Variants in UBTD2 observed in about 807,000 individuals in gnomAD.
The protein encoded by UBTD2 is ubiquitin domain containing 2.
UBTD2 carries 9 observed loss-of-function variants against 19.8 expected under a neutral mutation model. That is an observed-to-expected ratio of 0.46 (90% CI 0.27 to 0.79). The LOEUF (loss-of-function observed/expected upper bound fraction) is 0.79, where lower values mean the gene tolerates loss of function less well. Ranked by LOEUF, UBTD2 falls within the 30% of genes least tolerant of loss-of-function variation. The probability of loss-of-function intolerance (pLI) is 0.14; values close to 1 mark genes in which losing one functional copy is unlikely to be tolerated. For synonymous variants in UBTD2, 98 were observed against 103.9 expected (o/e 0.94, Z 0.35); for missense variants, 250 against 300.4 (o/e 0.83, Z 1.24).
intron 1 of UBTD2, among the ~76,000 whole-genome samples, chr5:172,281,901 C>T (rs1346848513): frequency 6.6e-6 from 1 of 152,090 alleles, no homozygotes; most frequent in Admixed American, 6.6e-5. Flanking sequence ...GAACTCAGTC[C>T]TCAAAGAAAC....
chr5:172,274,539 C>T (rs1416946639), intron 1 of UBTD2, among the ~76,000 whole-genome samples: 1 of 151,982 alleles, frequency 6.6e-6, no homozygotes, highest in Admixed American at 6.6e-5. Flanking sequence ...ACTGAAAATA[C>T]ATAAGAAAGA....
At position 172,234,420 on chromosome 5, in the gene UBTD2, T is replaced by C. The variant is rs910092938; in HGVS notation, c.71-62A>G. On this transcript the variant is annotated intron_variant, in intron 1 of 2. Coordinates refer to ENST00000393792, the MANE Select transcript of UBTD2 (RefSeq NM_152277.3). ...AATTTATAAAATATGTATCAAAAGT[T>C]ATCTGGTCATTCCTCTCTTGGATTA... is the stretch of plus-strand genomic sequence containing the variant. 2.8e-5 allele frequency: 37 copies of C among 1,336,526 alleles called. No individual in the cohort carries two copies. The African/African-American group carries it at 5.1e-4, about 18-fold the overall frequency. The allele number at this position is 1,336,526 out of a possible 1,614,324, so 82.8% of individuals were successfully genotyped here.
intron 2 of UBTD2, among the ~76,000 whole-genome samples, chr5:172,215,304 T>C (rs767436857): frequency 2.9e-4 from 44 of 152,204 alleles, no homozygotes; most frequent in Non-Finnish European, 4.8e-4. Context: ...AATTCTGCCC[T>C]CAGAAGAAAC....
chr5:172,260,434 T>C (rs1011095196), intron 1 of UBTD2, among the ~76,000 whole-genome samples: 1 of 152,166 alleles, frequency 6.6e-6, no homozygotes, highest in Non-Finnish European at 1.5e-5. Flanking sequence ...TATTGATTAT[T>C]CCCTTCTTAA....
At chr5:172,241,413 T>TAAAAAAAAA in intron 1 of UBTD2, among the ~76,000 whole-genome samples, 1 of 118,286 alleles carries the variant, frequency 8.5e-6, no homozygotes, top group Non-Finnish European at 1.8e-5. Context: ...CTGTCTCAAT[T>TAAAAAAAAA]AAAAAAAAAA....
At chr5:172,241,098 G>A (rs1300455469) in intron 1 of UBTD2, among the ~76,000 whole-genome samples, 2 of 150,346 alleles carry the variant, frequency 1.3e-5, no homozygotes, top group Non-Finnish European at 3.0e-5. Flanking sequence ...CTCAATTCAT[G>A]AGAAAGAAGG....
At chr5:172,269,593 G>C (rs142864175) in intron 1 of UBTD2, among the ~76,000 whole-genome samples, 2 of 151,772 alleles carry the variant, frequency 1.3e-5, no homozygotes, top group Admixed American at 1.3e-4. Flanking sequence ...AAATTGAGTC[G>C]CACACAGCTA....
chr5:172,240,085 A>G (rs1436327184), intron 1 of UBTD2, among the ~76,000 whole-genome samples: 2 of 152,226 alleles, frequency 1.3e-5, no homozygotes, highest in Non-Finnish European at 2.9e-5. Flanking sequence ...CATGGGCTTC[A>G]CTATGGCCAA....
Position 172,247,207 on chromosome 5 carries a change from T to C in UBTD2, c.71-12849A>G, listed in dbSNP as rs144132599. 3.0e-3 allele frequency among the ~76,000 whole-genome samples: 460 copies of C among 152,148 alleles called. 1 individual carries two copies. Among genetic ancestry groups the C allele is most frequent in the African/African-American group, 0.011 (440 of 41,518 alleles). ...AATACTAATCAAAAGAAAGTTTAAG[T>C]GGCTATACTATCATTAGACAAAGTA... is the stretch of plus-strand genomic sequence containing the variant. On this transcript the variant is annotated intron_variant, in intron 1 of 2. Coordinates refer to ENST00000393792, the MANE Select transcript of UBTD2 (RefSeq NM_152277.3).
intron 1 of UBTD2, among the ~76,000 whole-genome samples, chr5:172,277,681 G>A (rs903285527): frequency 6.6e-6 from 1 of 151,888 alleles, no homozygotes; most frequent in Admixed American, 6.6e-5. Flanking sequence ...ACTCCATCAT[G>A]GGTAACAGAG....
chr5:172,213,109 G>A (rs1771481234), intron 2 of UBTD2, among the ~76,000 whole-genome samples: 1 of 151,892 alleles, frequency 6.6e-6, no homozygotes, highest in Admixed American at 6.6e-5. Context: ...TCCTGCCTCA[G>A]CCTCCTGAGC....
chr5:172,234,307 C>T lies in UBTD2; in HGVS notation c.122G>A (p.Ser41Asn). 2 of 1,614,194 alleles carry T rather than the reference C, an allele frequency of 1.2e-6. No homozygotes were observed. The highest frequency in any genetic ancestry group is 1.7e-6 in the Non-Finnish European group (2 of 1,180,038). Residue 41 changes from serine to asparagine, a missense_variant, in exon 2 of 3, where the codon AGC (serine) becomes AAC (asparagine). Physicochemically the swap from Ser to Asn is conservative, Grantham distance 46. Transcript: ENST00000393792. ...PLKKEKPKWK[S>N]DYPMTDGQLR... Reference sequence around the variant, plus strand: ...TTGTCCATCTGTCATAGGATAATCGCTTTTCCATTTTGGTTTCTCCTTTTT... The same window carrying T: ...TTGTCCATCTGTCATAGGATAATCGTTTTTCCATTTTGGTTTCTCCTTTTT...
chr5:172,270,997 C>A (rs1755477513), intron 1 of UBTD2, among the ~76,000 whole-genome samples: 1 of 152,144 alleles, frequency 6.6e-6, no homozygotes, highest in Admixed American at 6.6e-5. Flanking sequence ...TTAATAACTT[C>A]ACATTTCACC....
intron 2 of UBTD2, among the ~76,000 whole-genome samples, chr5:172,231,174 G>C (rs1409457733): frequency 6.6e-6 from 1 of 152,182 alleles, no homozygotes; most frequent in African/African-American, 2.4e-5. Context: ...GCATACAATA[G>C]CCTAGTTATA....
At chr5:172,220,694 CCTA>C (rs1771634147) in intron 2 of UBTD2, among the ~76,000 whole-genome samples, 1 of 152,140 alleles carries the variant, frequency 6.6e-6, no homozygotes, top group South Asian at 2.1e-4. Flanking sequence ...TCAAAGCTTT[CCTA>C]CTAATTTGGG....
intron 2 of UBTD2, among the ~76,000 whole-genome samples, chr5:172,214,656 A>G (rs1771510077): frequency 6.6e-6 from 1 of 152,196 alleles, no homozygotes; most frequent in Non-Finnish European, 1.5e-5. Context: ...TGCTCAATCC[A>G]TAATGCTGGA....
At position 172,223,433 on chromosome 5, in the gene UBTD2, T is replaced by C. The variant is rs191974229; in HGVS notation, c.307+10689A>G. 2.3e-3 allele frequency among the ~76,000 whole-genome samples: 344 copies of C among 151,772 alleles called. 2 individuals carry two copies. The highest frequency in any genetic ancestry group is 4.3e-3 in the Non-Finnish European group (292 of 67,922). On this transcript the variant is annotated intron_variant, in intron 2 of 2. Coordinates refer to ENST00000393792, the MANE Select transcript of UBTD2 (RefSeq NM_152277.3). ...GCCTAACATGGTGAAATCCTGTCTC[T>C]ACTAAAAATACAAAAATTAGCCAGG...
At chr5:172,218,810 TAAAAAATAAAAATA>T (rs1561849292) in intron 2 of UBTD2, among the ~76,000 whole-genome samples, 13 of 128,340 alleles carry the variant, frequency 1.0e-4, no homozygotes, top group Non-Finnish European at 1.8e-4. Flanking sequence ...AAAAAAAAAA[TAAAAAATAAAAATA>T]AAAAAAATTC....
At chr5:172,257,190 C>T (rs916895656) in intron 1 of UBTD2, among the ~76,000 whole-genome samples, 3 of 152,150 alleles carry the variant, frequency 2.0e-5, no homozygotes, top group Admixed American at 6.5e-5. Flanking sequence ...CTTGCGTTTA[C>T]GTGTACTCAA....
Sources: allele counts gnomAD v4.1 joint callset (sites outside exome capture counted in the v4.1 genomes callset), GRCh38; gene constraint gnomAD v4.1.1; transcripts MANE v1.5; gene names NCBI Gene and HGNC (gene_info 2026-07-23, HGNC 2026-07-21).